Variants in CHD7 observed in about 807,000 individuals in gnomAD.
The protein encoded by CHD7 is ATP-dependent chromatin remodeler CHD7.
CHD7 carries 24 observed loss-of-function variants against 307.3 expected under a neutral mutation model. That is an observed-to-expected ratio of 0.08 (90% confidence interval 0.06 to 0.11). CHD7 has a LOEUF of 0.11. Ranked by LOEUF, CHD7 falls within the 10% of genes least tolerant of loss-of-function variation. The probability of loss-of-function intolerance (pLI) is 1.00; values close to 1 mark genes in which losing one functional copy is unlikely to be tolerated. For synonymous variants in CHD7, 1,363 were observed against 1,349.9 expected, an observed-to-expected ratio of 1.01 and a Z score of -0.21; for missense variants, 3,106 against 3,727.1, an observed-to-expected ratio of 0.83 and a Z score of 4.34.
At chr8:60,808,780 A>C (rs546944181) in intron 7 of CHD7, 1 of 153,990 alleles carries the variant, frequency 6.5e-6, no homozygotes, top group African/African-American at 2.4e-5. Flanking sequence ...ATAACTTAAA[A>C]ATCTGAATTG....
intron 1 of CHD7, among the ~76,000 whole-genome samples, chr8:60,740,375 C>T (rs796184721): frequency 6.6e-6 from 1 of 152,184 alleles, no homozygotes; most frequent in Non-Finnish European, 1.5e-5. Context: ...ACAAAGTATC[C>T]ACTCAACTAG....
At chr8:60,809,328 C>A (rs1010201108) in intron 7 of CHD7, among the ~76,000 whole-genome samples, 27 of 152,112 alleles carry the variant, frequency 1.8e-4, no homozygotes, top group Non-Finnish European at 3.2e-4. Context: ...TTCTTTTGTC[C>A]TCAGAGCATG....
intron 2 of CHD7, among the ~76,000 whole-genome samples, chr8:60,761,956 T>C (rs906581302): frequency 1.3e-5 from 2 of 152,180 alleles, no homozygotes; most frequent in Admixed American, 6.5e-5. Flanking sequence ...TGGTAAGAGA[T>C]GCTGAGGTTC....
At chr8:60,853,580 C>T (rs1335447412) in intron 31 of CHD7, 80 bp downstream of exon 31, 4 of 1,128,844 alleles carry the variant, frequency 3.5e-6, no homozygotes, top group Non-Finnish European at 5.0e-6. Flanking sequence ...AGCACGGCAC[C>T]TGCTCTTTTT....
intron 3 of CHD7, among the ~76,000 whole-genome samples, chr8:60,793,082 C>T (rs918503825): frequency 3.9e-5 from 6 of 151,962 alleles, no homozygotes; most frequent in Non-Finnish European, 5.9e-5. Flanking sequence ...TTGCTCTTGG[C>T]GTGCAGATGA....
intron 36 of CHD7, 83 bp downstream of exon 36, chr8:60,862,419 G>T: frequency 6.6e-7 from 1 of 1,509,688 alleles, no homozygotes; most frequent in Non-Finnish European, 8.9e-7. Context: ...TTCTATAGGG[G>T]AAAAGAATCC....
At chr8:60,764,113 G>A (rs1475969764) in intron 2 of CHD7, among the ~76,000 whole-genome samples, 3 of 151,916 alleles carry the variant, frequency 2.0e-5, no homozygotes, top group Admixed American at 1.3e-4. Context: ...TAAGCCTCCC[G>A]AGTAGCTGGT....
chr8:60,747,403 T>C (rs1207960561), intron 2 of CHD7, among the ~76,000 whole-genome samples: 3 of 152,180 alleles, frequency 2.0e-5, no homozygotes, highest in Admixed American at 6.5e-5. Context: ...GTTTAAAATA[T>C]TGATTTGTTA....
At chr8:60,737,436 T>A (rs1314316331) in intron 1 of CHD7, among the ~76,000 whole-genome samples, 1 of 152,204 alleles carries the variant, frequency 6.6e-6, no homozygotes, top group East Asian at 1.9e-4. Context: ...GTAGAAGAAG[T>A]TTACTCCTCT....
Position 60,851,103 on chromosome 8 carries a change from A to T in CHD7, c.5606A>T (p.Asp1869Val). ...PTRTPFKDEIDEFANSPSEDK... is the reference protein window; with the variant it reads ...PTRTPFKDEIVEFANSPSEDK... ...AGAACACCGTTCAAAGATGAAATAG[A>T]TGTATGAACTTGAGTATATTGGCTT... Residue 1869 changes from aspartate (D) to valine (V), a missense_variant and splice_region_variant, in exon 27 of 38, where the codon GAT becomes GTT. Physicochemically the swap from Asp to Val is radical, Grantham distance 152. Around this residue, in one of 10 missense-constraint regions of CHD7, gnomAD observed 1,030 missense variants for 1,165.4 expected, o/e 0.88. Coordinates refer to ENST00000423902, the MANE Select transcript of CHD7 (RefSeq NM_017780.4). 6.4e-7 allele frequency: 1 copy of T among 1,563,480 alleles called. No homozygotes were observed. Among genetic ancestry groups the T allele is most frequent in the South Asian group, 1.2e-5 (1 of 84,690 alleles).
intron 1 of CHD7, among the ~76,000 whole-genome samples, chr8:60,717,867 A>C (rs964531470): frequency 2.0e-5 from 3 of 152,222 alleles, no homozygotes; most frequent in African/African-American, 7.2e-5. Context: ...CACAATACAT[A>C]ATATTTGATA....
intron 16 of CHD7, 25 bp downstream of exon 16, chr8:60,836,308 T>G: frequency 6.3e-7 from 1 of 1,595,078 alleles, no homozygotes; most frequent in Admixed American, 1.7e-5. Flanking sequence ...ATCAGAATAA[T>G]AAAAAGGAAA....
chr8:60,822,199 T>G, intron 11 of CHD7, 54 bp downstream of exon 11: 2 of 1,470,670 alleles, frequency 1.4e-6, no homozygotes, highest in Non-Finnish European at 1.8e-6. Context: ...TTCCTTTCCT[T>G]TAGTTATTGA....
chr8:60,816,109 G>GTCTC (rs1175311453), intron 7 of CHD7, among the ~76,000 whole-genome samples: 4 of 67,062 alleles, frequency 6.0e-5, no homozygotes, highest in African/African-American at 1.2e-4. Context: ...CTGTCTGTCT[G>GTCTC]TCTGTCTCTC....
chr8:60,729,302 T>A (rs1316088259), intron 1 of CHD7, among the ~76,000 whole-genome samples: 1 of 152,224 alleles, frequency 6.6e-6, no homozygotes, highest in Non-Finnish European at 1.5e-5. Flanking sequence ...AGATATGTGG[T>A]CTGTCAGAAC....
chr8:60,865,543 C>T lies in CHD7; in HGVS notation c.8604C>T (p.Asp2868=), dbSNP rs1409114881. ...EKSTDAVSAA[D]SANGSVGAAT... Reference sequence around the variant, plus strand: ...GCACAGATGCTGTTTCGGCTGCTGACTCTGCGAATGGATCTGTTGGTGCTG... The same window carrying T: ...GCACAGATGCTGTTTCGGCTGCTGATTCTGCGAATGGATCTGTTGGTGCTG... The change falls in exon 38 of 38, where the codon GAC becomes GAT. Residue 2868 remains aspartate (D), a synonymous_variant. Transcript: ENST00000423902. This position sits in a 1 kb window ranked among gnomAD's most constrained non-coding sequence, Gnocchi z 4.3. 1.2e-6 allele frequency: 2 copies of T among 1,614,072 alleles called. No individual in the cohort carries two copies. Among genetic ancestry groups the T allele is most frequent in the East Asian group, 2.2e-5 (1 of 44,884 alleles).
intron 5 of CHD7, 109 bp from the exon 6 acceptor site, chr8:60,801,419 A>C: frequency 1.3e-6 from 1 of 756,054 alleles, no homozygotes; most frequent in East Asian, 2.7e-5. Flanking sequence ...CTTTGTACCC[A>C]GTGACTTAAA....
chr8:60,693,551 C>A (rs935327537), intron 1 of CHD7, among the ~76,000 whole-genome samples: 4 of 152,192 alleles, frequency 2.6e-5, no homozygotes, highest in African/African-American at 9.7e-5. Flanking sequence ...TGCCCTGTGC[C>A]TGTGGCCTGT....
intron 9 of CHD7, among the ~76,000 whole-genome samples, chr8:60,820,622 A>G (rs1199248468): frequency 1.3e-5 from 2 of 152,236 alleles, no homozygotes; most frequent in African/African-American, 4.8e-5. Context: ...GGAAGTAAGA[A>G]TGAAGACAAG....
Sources: gnomAD v4.1 joint callset for allele counts (sites outside exome capture counted in the v4.1 genomes callset) on GRCh38, gnomAD v4.1.1 for gene constraint, gnomAD v4.1.1 regional missense constraint, Gnocchi (gnomAD v3.1) non-coding constraint, MANE v1.5 for transcripts, NCBI Gene and HGNC (gene_info 2026-07-23, HGNC 2026-07-21) for gene names.